Variants in PDGFRB observed in about 807,000 individuals in gnomAD.
PDGFRB encodes platelet derived growth factor receptor beta, also known as platelet-derived growth factor receptor beta.
Under a neutral mutation model 120.2 loss-of-function variants are expected in PDGFRB, and 42 were observed. The ratio of observed to expected loss-of-function variants is 0.35; its 90% confidence interval spans 0.27 to 0.45. PDGFRB has a LOEUF of 0.45. PDGFRB is among the 20% of genes least tolerant of loss of function. The probability of loss-of-function intolerance (pLI) is 1.00; values close to 1 mark genes in which losing one functional copy is unlikely to be tolerated. For missense variants in PDGFRB, 1,149 were observed against 1,476.3 expected, an observed-to-expected ratio of 0.78 and a Z score of 3.63; for synonymous variants, 586 against 606.8, an observed-to-expected ratio of 0.97 and a Z score of 0.50.
chr5:150,122,471 C>T (rs575194748), intron 15 of PDGFRB, among the ~76,000 whole-genome samples: 1 of 152,318 alleles, frequency 6.6e-6, no homozygotes, highest in East Asian at 1.9e-4. Flanking sequence ...TCTCTATAGG[C>T]AGGAAAAAGA....
intron 1 of PDGFRB, among the ~76,000 whole-genome samples, chr5:150,154,261 T>G (rs2113937405): frequency 6.6e-6 from 1 of 152,130 alleles, no homozygotes; most frequent in African/African-American, 2.4e-5. Context: ...ACAAGCAGGA[T>G]GGTGCGCATT....
chr5:150,126,614 G>A lies in PDGFRB; in HGVS notation c.1580C>T (p.Ser527Phe). The A allele has an allele frequency of 6.3e-7, 1 of 1,580,132 alleles. No homozygotes were observed. The highest frequency in any genetic ancestry group is 8.7e-7 in the Non-Finnish European group (1 of 1,149,308). ...DTQEVIVVPH[S>F]LPFKVVVISA... ...GATCACCACCACCTTAAAGGGCAAGGCTGGAGGCAGAGATGAGAGCAGGCC... is the reference window on the plus strand; with the variant it reads ...GATCACCACCACCTTAAAGGGCAAGACTGGAGGCAGAGATGAGAGCAGGCC... Residue 527 changes from serine to phenylalanine, a missense_variant and splice_region_variant, in exon 11 of 23, where the codon TCC becomes TTC. Transcript: ENST00000261799.
At chr5:150,144,833 G>A (rs1031944802) in intron 1 of PDGFRB, among the ~76,000 whole-genome samples, 6 of 152,116 alleles carry the variant, frequency 3.9e-5, no homozygotes, top group Non-Finnish European at 7.4e-5. Flanking sequence ...TGCCTCCTGC[G>A]GTGCCTTGAG....
In PDGFRB at chr5:150,126,570, C is replaced by G. The variant is rs1760300507; in HGVS notation, c.1624G>C (p.Val542Leu). The change falls in exon 11 of 23, where the codon GTG becomes CTG. Residue 542 changes from valine to leucine, a missense_variant. Physicochemically the swap from Val to Leu is conservative, Grantham distance 32. This residue lies in a region of PDGFRB where 879 missense variants were observed against 1,108.6 expected (regional missense o/e 0.79). Coordinates refer to ENST00000261799, the MANE Select transcript of PDGFRB (RefSeq NM_002609.4). ...ATAAGGGAGATGATGGTGAGCACCA[C>G]CAGGGCCAGGATGGCTGAGATCACC... ...VVVISAILAL[V>L]VLTIISLIIL... is the part of the protein sequence containing the mutation. 1 of 1,611,332 alleles carries G rather than the reference C, an allele frequency of 6.2e-7. No individual in the cohort carries two copies. The highest frequency in any genetic ancestry group is 2.2e-5 in the East Asian group (1 of 44,876).
intron 11 of PDGFRB, among the ~76,000 whole-genome samples, chr5:150,125,866 C>T (rs1465326743): frequency 6.6e-6 from 1 of 152,194 alleles, no homozygotes; most frequent in East Asian, 1.9e-4. Context: ...TCTCTCCCAG[C>T]CTTCGCTGCT....
intron 1 of PDGFRB, among the ~76,000 whole-genome samples, chr5:150,152,743 C>A (rs1336407033): frequency 1.3e-5 from 2 of 152,190 alleles, no homozygotes; most frequent in Admixed American, 6.5e-5. Context: ...GTGGGCAGAG[C>A]CTTTTGCAGG....
At position 150,121,283 on chromosome 5, in the gene PDGFRB, G is replaced by T. The variant is rs1285503815; in HGVS notation, c.2384C>A (p.Ser795Tyr). 6.2e-7 allele frequency: 1 copy of T among 1,605,332 alleles called. No homozygotes were observed. The highest frequency in any genetic ancestry group is 8.5e-7 in the Non-Finnish European group (1 of 1,172,002). ...RTCRATLINE[S>Y]PVLSYMDLVG... ...GAGGTCCATGTAGCTTAGCACTGGA[G>T]ACTCGTTGATCAAAGTTGCTCGGCA... The change falls in exon 17 of 23, where the codon TCT (serine) becomes TAT (tyrosine). Residue 795 changes from serine to tyrosine, a missense_variant. Physicochemically the swap from Ser to Tyr is moderately radical, Grantham distance 144. Coordinates refer to ENST00000261799, the MANE Select transcript of PDGFRB (RefSeq NM_002609.4). The surrounding 1 kb of genome is among the most constrained non-coding windows in gnomAD (Gnocchi z 4.1).
rs1759903150 is a variant in PDGFRB, at chr5:150,115,626, C to T, written c.*137G>A. 1 of 791,640 alleles carries T rather than the reference C, an allele frequency of 1.3e-6. No homozygotes were observed. Among genetic ancestry groups the T allele is most frequent in the Non-Finnish European group, 1.9e-6 (1 of 533,804 alleles). The allele number at this position is 791,640 out of a possible 1,614,324, so 49.0% of individuals were successfully genotyped here. On this transcript the variant is annotated 3_prime_UTR_variant, in exon 23 of 23. Coordinates refer to ENST00000261799, the MANE Select transcript of PDGFRB (RefSeq NM_002609.4). ...CCCCAGGGTTTGGGGCACAACACGT[C>T]AGGAGCAGAAAGCTTCCAGAAGGGG...
chr5:150,141,846 A>G (rs1325494881), intron 1 of PDGFRB, among the ~76,000 whole-genome samples: 1 of 152,106 alleles, frequency 6.6e-6, no homozygotes, highest in African/African-American at 2.4e-5. Context: ...GAGAGCTGCA[A>G]CTGAGCAGGT....
chr5:150,150,999 T>C (rs1454931802), intron 1 of PDGFRB, among the ~76,000 whole-genome samples: 1 of 152,148 alleles, frequency 6.6e-6, no homozygotes, highest in Non-Finnish European at 1.5e-5. Context: ...CCCTCTGAGC[T>C]CCTCAAGAAA....
At chr5:150,137,365 G>A (rs1025160871) in intron 1 of PDGFRB, 1 of 287,826 alleles carries the variant, frequency 3.5e-6, no homozygotes, top group Non-Finnish European at 6.4e-6. Context: ...CAGTGAGGGA[G>A]GGGAAGTTGG....
Position 150,132,627 on chromosome 5 carries a change from G to T in PDGFRB, c.1127+123C>A. 1 of 866,642 alleles carries T rather than the reference G, an allele frequency of 1.2e-6. No homozygotes were observed. The highest frequency in any genetic ancestry group is 1.8e-6 in the Non-Finnish European group (1 of 569,900). 53.7% of individuals were successfully genotyped at this position (866,642 alleles called of 1,614,324 possible). ...AGCTCTGGTCGCTGCAGCATCCCCA[G>T]CACCTGGCACCTAATATGCTCTCAG... On this transcript the variant is annotated intron_variant, in intron 7 of 22. Transcript: ENST00000261799. The surrounding 1 kb of genome is among the most constrained non-coding windows in gnomAD (Gnocchi z 5.0).
chr5:150,129,005 A>G (rs1457045955), intron 10 of PDGFRB, among the ~76,000 whole-genome samples: 1 of 152,220 alleles, frequency 6.6e-6, no homozygotes, highest in African/African-American at 2.4e-5. Flanking sequence ...GCATCAAGAC[A>G]CTGGTAGGCA....
At position 150,125,570 on chromosome 5, in the gene PDGFRB, C is replaced by T. The variant is rs1375143929; in HGVS notation, c.1682G>A (p.Arg561His). The change falls in exon 12 of 23, where the codon CGT becomes CAT. Residue 561 changes from arginine (R) to histidine (H), a missense_variant. Physicochemically the swap from Arg to His is conservative, Grantham distance 29. Around this residue, in one of 3 missense-constraint regions of PDGFRB, gnomAD observed 879 missense variants for 1,108.6 expected, o/e 0.79. Transcript: ENST00000261799. Reference protein sequence around the residue: ...ILIMLWQKKPRYEIRWKVIES... With the variant: ...ILIMLWQKKPHYEIRWKVIES... ...AATCACCTTCCATCGGATCTCGTAACGTGGCTTCTGGAGGACCAACCCCAG... is the reference window on the plus strand; with the variant it reads ...AATCACCTTCCATCGGATCTCGTAATGTGGCTTCTGGAGGACCAACCCCAG... 3.1e-6 allele frequency: 5 copies of T among 1,613,914 alleles called. No homozygotes were observed. The highest frequency in any genetic ancestry group is 8.5e-7 in the Non-Finnish European group (1 of 1,179,856).
rs141511317 is a variant in PDGFRB, at chr5:150,115,880, G to T, written c.3204C>A (p.Asp1068Glu). 6.2e-7 allele frequency: 1 copy of T among 1,610,130 alleles called. No individual in the cohort carries two copies. The highest frequency in any genetic ancestry group is 8.5e-7 in the Non-Finnish European group (1 of 1,177,960). Residue 1068 changes from aspartate (D) to glutamate (E), a missense_variant, in exon 23 of 23, where the codon GAC becomes GAA. By Grantham distance (45) the Asp-to-Glu change is conservative (BLOSUM62 2). Transcript: ENST00000261799. ...ISCDSPLEPQ[D>E]EPEPEPQLEL... ...CAAGCTGGGGCTCTGGCTCTGGTTC[G>T]TCCTGGGGCTCCAGGGGGCTGTCAC...
intron 1 of PDGFRB, among the ~76,000 whole-genome samples, chr5:150,143,861 G>A (rs577656778): frequency 2.2e-4 from 33 of 151,722 alleles, no homozygotes; most frequent in South Asian, 6.3e-4. Flanking sequence ...CCTGCACCAC[G>A]AACCTCCCCA....
At position 150,120,972 on chromosome 5, in the gene PDGFRB, G is replaced by A. The variant is rs143375423; in HGVS notation, c.2502C>T (p.Ile834=). ...HRDLAARNVL[I]CEGKLVKICD... ...AGATCTTGACCAGCTTGCCTTCACA[G>A]ATGAGCACGTTCCTAGCCGCCAGGT... is the stretch of plus-strand genomic sequence containing the variant. The change falls in exon 18 of 23, where the codon ATC becomes ATT. Residue 834 remains isoleucine (I), a synonymous_variant. Transcript: ENST00000261799. This position sits in a 1 kb window ranked among gnomAD's most constrained non-coding sequence, Gnocchi z 4.3. 310 of 1,613,892 alleles carry A rather than the reference G, an allele frequency of 1.9e-4. 2 individuals carry two copies. In the African/African-American group the frequency reaches 3.2e-3, roughly 17 times the overall value.
intron 1 of PDGFRB, among the ~76,000 whole-genome samples, chr5:150,141,587 C>T (rs1419016313): frequency 6.6e-6 from 1 of 152,144 alleles, no homozygotes; most frequent in Non-Finnish European, 1.5e-5. Flanking sequence ...GACCAACGTG[C>T]ATGTTTGGTT....
chr5:150,135,894 T>C lies in PDGFRB; in HGVS notation c.41-16A>G. On this transcript the variant is annotated splice_polypyrimidine_tract_variant and intron_variant, in intron 2 of 22. Transcript: ENST00000261799. ...AGCAGCTCGCCTTTGGGAGAGGAGG[T>C]ATCAGACATCAGGAAACAGGGGCTT... 6.6e-7 allele frequency: 1 copy of C among 1,509,198 alleles called. No homozygotes were observed. Among genetic ancestry groups the C allele is most frequent in the South Asian group, 1.3e-5 (1 of 74,348 alleles). 93.5% of individuals were successfully genotyped at this position (1,509,198 alleles called of 1,614,324 possible).
Sources: gnomAD v4.1 joint callset for allele counts (sites outside exome capture counted in the v4.1 genomes callset) on GRCh38, gnomAD v4.1.1 for gene constraint, gnomAD v4.1.1 regional missense constraint, Gnocchi (gnomAD v3.1) non-coding constraint, MANE v1.5 for transcripts, NCBI Gene and HGNC (gene_info 2026-07-23, HGNC 2026-07-21) for gene names.